The following PTK7 variants were observed in gnomAD, a reference collection of about 807,000 sequenced individuals.
PTK7 encodes protein tyrosine kinase 7 (inactive), also known as inactive tyrosine-protein kinase 7.
PTK7 carries 39 observed loss-of-function variants against 116.6 expected under a neutral mutation model. That is an observed-to-expected ratio of 0.33 (90% CI 0.26 to 0.44). The LOEUF (loss-of-function observed/expected upper bound fraction) is 0.44. Among genes scored for constraint, PTK7 ranks in the 20% least tolerant of loss-of-function variants. The pLI, the probability that PTK7 is intolerant of heterozygous loss-of-function variation, is 1.00. For missense variants in PTK7, 1,169 were observed against 1,425.6 expected (o/e 0.82, Z 2.90); for synonymous variants, 546 against 563.6 (o/e 0.97, Z 0.44).
chr6:43,098,620 TGTTAG>T (rs1767386113), intron 1 of PTK7, among the ~76,000 whole-genome samples: 1 of 152,082 alleles, frequency 6.6e-6, no homozygotes, highest in Non-Finnish European at 1.5e-5. Context: ...CCTCCCAAAG[TGTTAG>T]GATTACAGGA....
Position 43,130,427 on chromosome 6 carries a change from C to T in PTK7, c.661+7C>T, listed in dbSNP as rs1440615836. The T allele has an allele frequency of 6.2e-7, 1 of 1,604,102 alleles. No individual in the cohort carries two copies. Among genetic ancestry groups the T allele is most frequent in the African/African-American group, 1.3e-5 (1 of 74,766 alleles). ...TTCACCTTGAGCATTGCTGGTGAGCCTGGGGTGGGGGCGGAAGGGATGAGG... is the reference window on the plus strand; with the variant it reads ...TTCACCTTGAGCATTGCTGGTGAGCTTGGGGTGGGGGCGGAAGGGATGAGG... On this transcript the variant is annotated splice_region_variant and intron_variant, in intron 4 of 19. Coordinates refer to ENST00000230419, the MANE Select transcript of PTK7 (RefSeq NM_002821.5).
chr6:43,142,114 C>T (rs376283988), intron 12 of PTK7, 33 bp downstream of exon 12: 4 of 1,611,588 alleles, frequency 2.5e-6, no homozygotes, highest in African/African-American at 1.3e-5. Flanking sequence ...CCCGTCCCTC[C>T]TCTCCTGCAG....
intron 17 of PTK7, among the ~76,000 whole-genome samples, chr6:43,157,343 TATATATATATATATATATATA>T (rs755243148): frequency 0.017 from 707 of 41,464 alleles, 83 homozygotes; most frequent in South Asian, 0.06. Flanking sequence ...TATATATATA[TATATATATATATATATATATA>T]TTTTTTTTTT....
intron 17 of PTK7, among the ~76,000 whole-genome samples, chr6:43,151,601 G>C (rs1441167164): frequency 3.2e-5 from 4 of 125,558 alleles, no homozygotes; most frequent in Non-Finnish European, 5.1e-5. Flanking sequence ...GCGCGATCTC[G>C]GCTCACTGCA....
intron 1 of PTK7, among the ~76,000 whole-genome samples, chr6:43,100,251 C>T (rs914951246): frequency 1.6e-4 from 24 of 152,030 alleles, no homozygotes; most frequent in Middle Eastern, 3.4e-3. Context: ...GGCGTGGTGG[C>T]GGGTGCCTAT....
chr6:43,115,832 A>T (rs1582123430), intron 1 of PTK7, among the ~76,000 whole-genome samples: 1 of 148,100 alleles, frequency 6.8e-6, no homozygotes, highest in Admixed American at 6.8e-5. Context: ...GGAGGCTGAG[A>T]TGGGAGAATT....
intron 1 of PTK7, among the ~76,000 whole-genome samples, chr6:43,085,326 G>A (rs1394358984): frequency 1.3e-5 from 2 of 152,036 alleles, no homozygotes; most frequent in Non-Finnish European, 1.5e-5. Flanking sequence ...GTGCAGTAGT[G>A]CGATCTCCAC....
At chr6:43,152,881 G>A (rs1258080548) in intron 17 of PTK7, among the ~76,000 whole-genome samples, 1 of 151,950 alleles carries the variant, frequency 6.6e-6, no homozygotes, top group Admixed American at 6.6e-5. Flanking sequence ...CGCCTCCCAG[G>A]TTCAAATGAT....
At chr6:43,117,827 T>C (rs887339370) in intron 1 of PTK7, among the ~76,000 whole-genome samples, 8 of 151,500 alleles carry the variant, frequency 5.3e-5, no homozygotes, top group African/African-American at 1.7e-4. Context: ...TCCTAGCTAC[T>C]CAGGAGGCTG....
intron 1 of PTK7, among the ~76,000 whole-genome samples, chr6:43,124,241 G>A (rs578059079): frequency 2.6e-5 from 4 of 152,314 alleles, no homozygotes; most frequent in East Asian, 1.9e-4. Flanking sequence ...ATCCCGAACC[G>A]CCTGCCTTCT....
chr6:43,137,915 T>C (rs1175793801), intron 7 of PTK7, among the ~76,000 whole-genome samples: 2 of 152,210 alleles, frequency 1.3e-5, no homozygotes, highest in East Asian at 3.8e-4. Context: ...CAAGCGATTC[T>C]TGTGCCTCAG....
intron 1 of PTK7, among the ~76,000 whole-genome samples, chr6:43,080,246 G>T: frequency 6.6e-6 from 1 of 152,010 alleles, no homozygotes; most frequent in Non-Finnish European, 1.5e-5. Flanking sequence ...CAGCTACTTG[G>T]GAGGCTGAGG....
intron 1 of PTK7, among the ~76,000 whole-genome samples, chr6:43,085,145 T>C (rs1766582067): frequency 6.6e-6 from 1 of 152,192 alleles, no homozygotes; most frequent in Non-Finnish European, 1.5e-5. Context: ...CTGGCCCCTG[T>C]GAAGTTGTGA....
intron 1 of PTK7, among the ~76,000 whole-genome samples, chr6:43,112,347 C>CA (rs1283867953): frequency 6.6e-6 from 1 of 151,298 alleles, no homozygotes; most frequent in Non-Finnish European, 1.5e-5. Context: ...TGGCTCACTG[C>CA]AACCTCCGCC....
chr6:43,132,436 C>T lies in PTK7; in HGVS notation c.977C>T (p.Pro326Leu), dbSNP rs1477610823. ...TLHLAEIEDM[P>L]LFEPRVFTAG... ...GTCCTTGCAGAGATTGAAGACATGC[C>T]GCTATTTGAGCCACGGGTGTTTACA... The change falls in exon 7 of 20, where the codon CCG becomes CTG. Residue 326 changes from proline to leucine, a missense_variant. By Grantham distance (98) the Pro-to-Leu change is moderately conservative (BLOSUM62 -3). This residue lies in a region of PTK7 where 487 missense variants were observed against 549.8 expected (regional missense o/e 0.89). Transcript: ENST00000230419. 11 of 1,578,592 alleles carry T rather than the reference C, an allele frequency of 7.0e-6. No individual in the cohort carries two copies. The East Asian group carries it at 9.0e-5, about 13-fold the overall frequency.
rs959691776 is a variant in PTK7 at position 43,130,641 on chromosome 6, T to G, written c.792T>G (p.Thr264=). 6.2e-7 allele frequency: 1 copy of G among 1,614,028 alleles called. No homozygotes were observed. Among genetic ancestry groups the G allele is most frequent in the African/African-American group, 1.3e-5 (1 of 74,912 alleles). ...TGCAGTGGCTCTTTGAGGATGAGAC[T>G]CCCATCACTAACCGCAGTCGGTAAG... ...PSLQWLFEDE[T]PITNRSRPPH... The change falls in exon 5 of 20, where the codon ACT becomes ACG. Residue 264 remains threonine, a synonymous_variant. Coordinates refer to ENST00000230419, the MANE Select transcript of PTK7 (RefSeq NM_002821.5).
Position 43,129,412 on chromosome 6 carries a change from G to T in PTK7, c.367+148G>T, listed in dbSNP as rs1426664234. ...TATCATCAGCTTTTTTTGCTCATGT[G>T]GATAAGAGGAAATTAAAAGTTATAT... On this transcript the variant is annotated intron_variant, in intron 2 of 19. Coordinates refer to ENST00000230419, the MANE Select transcript of PTK7 (RefSeq NM_002821.5). The surrounding 1 kb of genome is among the most constrained non-coding windows in gnomAD (Gnocchi z 4.5). The T allele has an allele frequency of 7.3e-6, 8 of 1,096,670 alleles. No individual in the cohort carries two copies. Among genetic ancestry groups the T allele is most frequent in the East Asian group, 5.2e-5 (2 of 38,394 alleles). 67.9% of individuals were successfully genotyped at this position (1,096,670 alleles called of 1,614,324 possible).
At position 43,144,572 on chromosome 6, in the gene PTK7, C is replaced by G; in HGVS notation, c.2373C>G (p.Phe791Leu). The G allele has an allele frequency of 6.2e-7, 1 of 1,613,932 alleles. No individual in the cohort carries two copies. Among genetic ancestry groups the G allele is most frequent in the Non-Finnish European group, 8.5e-7 (1 of 1,179,882 alleles). Residue 791 changes from phenylalanine (F) to leucine (L), a missense_variant, in exon 15 of 20, where the codon TTC (phenylalanine) becomes TTG (leucine). Around this residue, in one of 3 missense-constraint regions of PTK7, gnomAD observed 678 missense variants for 853.8 expected, o/e 0.79. Coordinates refer to ENST00000230419, the MANE Select transcript of PTK7 (RefSeq NM_002821.5). ...KRHSTSDKMH[F>L]PRSSLQPITT... ...ACAGCACAAGTGATAAGATGCACTT[C>G]CCACGGTCTAGCCTGCAGCCCATCA...
At chr6:43,077,041 G>A (rs1766071427) in intron 1 of PTK7, 1 of 1,334,158 alleles carries the variant, frequency 7.5e-7, no homozygotes, top group Non-Finnish European at 9.6e-7. Context: ...CGCGCAAAGC[G>A]CGGAGCTTTG....
Sources: gnomAD v4.1 joint callset for allele counts (sites outside exome capture counted in the v4.1 genomes callset) on GRCh38, gnomAD v4.1.1 for gene constraint, gnomAD v4.1.1 regional missense constraint, Gnocchi (gnomAD v3.1) non-coding constraint, MANE v1.5 for transcripts, NCBI Gene and HGNC (gene_info 2026-07-23, HGNC 2026-07-21) for gene names.